THSD4: variants seen among roughly 807,000 people sequenced by gnomAD.
THSD4 encodes thrombospondin type-1 domain-containing protein 4.
A neutral mutation model predicts 119.0 loss-of-function variants in THSD4; 69 were observed. That is an observed-to-expected ratio of 0.58 (90% CI 0.48 to 0.71). The LOEUF is 0.71. THSD4 is among the 30% of genes least tolerant of loss of function. The pLI is 0.00. For missense variants in THSD4, 1,393 were observed against 1,391.1 expected, an observed-to-expected ratio of 1.00 and a Z score of -0.02; for synonymous variants, 524 against 540.4, an observed-to-expected ratio of 0.97 and a Z score of 0.42.
chr15:71,275,863 C>T (rs973318993), intron 6 of THSD4, among the ~76,000 whole-genome samples: 15 of 152,182 alleles, frequency 9.9e-5, no homozygotes, highest in Admixed American at 7.2e-4. Context: ...GTGTTTGCTT[C>T]CCCTTCTGCG....
At chr15:71,582,630 G>A (rs545977226) in intron 7 of THSD4, among the ~76,000 whole-genome samples, 1 of 152,024 alleles carries the variant, frequency 6.6e-6, no homozygotes, top group East Asian at 1.9e-4. Context: ...GCCATATATA[G>A]CCATATTATG....
intron 7 of THSD4, among the ~76,000 whole-genome samples, chr15:71,633,369 G>A (rs961268461): frequency 2.1e-5 from 3 of 145,428 alleles, no homozygotes; most frequent in Non-Finnish European, 3.0e-5. Context: ...TCGACCTACT[G>A]GGTTCAAGCC....
intron 6 of THSD4, among the ~76,000 whole-genome samples, chr15:71,263,110 C>T (rs573536392): frequency 6.6e-6 from 1 of 152,052 alleles, no homozygotes; most frequent in South Asian, 2.1e-4. Context: ...TGACCTTCTC[C>T]CTCCTCCCAG....
At chr15:71,606,274 C>T (rs1009292720) in intron 7 of THSD4, among the ~76,000 whole-genome samples, 13 of 152,306 alleles carry the variant, frequency 8.5e-5, no homozygotes, top group African/African-American at 3.1e-4. Context: ...TCCAAGAAAC[C>T]TCTTCTAAAC....
chr15:71,550,414 A>T (rs1447354268), intron 7 of THSD4, among the ~76,000 whole-genome samples: 1 of 152,204 alleles, frequency 6.6e-6, no homozygotes, highest in Non-Finnish European at 1.5e-5. Flanking sequence ...TAAATTCTGC[A>T]AAGTGTGGTC....
At chr15:71,209,235 A>G (rs138674535) in intron 3 of THSD4, among the ~76,000 whole-genome samples, 1 of 152,176 alleles carries the variant, frequency 6.6e-6, no homozygotes. Flanking sequence ...GCTGGGGGAC[A>G]TGTTAGATGC....
rs140846238 is a variant in THSD4 at position 71,777,793 on chromosome 15, C to T, written c.*419C>T. 54 of 193,804 alleles carry T rather than the reference C, an allele frequency of 2.8e-4. No individual in the cohort carries two copies. The highest frequency in any genetic ancestry group is 1.1e-3 in the African/African-American group (49 of 44,142). The allele number at this position is 193,804 out of a possible 1,614,324, so 12.0% of individuals were successfully genotyped here. ...CACCCTGGAGAGTCCAAGGAGGCAG[C>T]GCCCCCAACCCAGCGCCCCACTAAG... On this transcript the variant is annotated 3_prime_UTR_variant, in exon 18 of 18. Coordinates refer to ENST00000261862, the MANE Select transcript of THSD4 (RefSeq NM_024817.3).
chr15:71,306,592 C>T (rs2045033875), intron 6 of THSD4, among the ~76,000 whole-genome samples: 1 of 152,148 alleles, frequency 6.6e-6, no homozygotes, highest in Admixed American at 6.5e-5. Flanking sequence ...GGTGTCTAGT[C>T]CACTAGTTCA....
At chr15:71,541,419 G>T (rs1460475172) in intron 7 of THSD4, among the ~76,000 whole-genome samples, 1 of 152,130 alleles carries the variant, frequency 6.6e-6, no homozygotes, top group South Asian at 2.1e-4. Flanking sequence ...AATTTTCCTC[G>T]CATTTCTGTC....
intron 8 of THSD4, among the ~76,000 whole-genome samples, chr15:71,696,686 C>G (rs1304125440): frequency 1.3e-5 from 2 of 152,170 alleles, no homozygotes; most frequent in African/African-American, 4.8e-5. Context: ...AAATCACACC[C>G]TTGGCATACC....
chr15:71,476,317 C>T (rs749819077), intron 7 of THSD4, among the ~76,000 whole-genome samples: 2 of 152,132 alleles, frequency 1.3e-5, no homozygotes, highest in Non-Finnish European at 2.9e-5. Flanking sequence ...CTGCAGCCTC[C>T]GCCTCCCAGG....
At chr15:71,675,010 G>A (rs2051610960) in intron 8 of THSD4, among the ~76,000 whole-genome samples, 2 of 152,156 alleles carry the variant, frequency 1.3e-5, no homozygotes, top group South Asian at 4.1e-4. Flanking sequence ...TTCTTTGAAT[G>A]ACCGTTTTAT....
At chr15:71,393,015 G>A (rs769903182) in intron 6 of THSD4, among the ~76,000 whole-genome samples, 2 of 152,174 alleles carry the variant, frequency 1.3e-5, no homozygotes, top group South Asian at 2.1e-4. Context: ...GGGAACCTCC[G>A]TTTCTCATTT....
In THSD4 at chr15:71,745,154, A is replaced by G; in HGVS notation, c.1955A>G (p.Glu652Gly). The change falls in exon 12 of 18, where the codon GAG (glutamate) becomes GGG (glycine). Residue 652 changes from glutamate (E) to glycine (G), a missense_variant. Glu to Gly is a moderately conservative substitution (Grantham distance 98, BLOSUM62 -2). Coordinates refer to ENST00000261862, the MANE Select transcript of THSD4 (RefSeq NM_024817.3). ...FRCVHRSTHE[E>G]APESYCDSSM... ...TGTGTGCACAGAAGCACTCATGAAG[A>G]GGCTCCTGAGAGTTACTGTGACTCC... The G allele has an allele frequency of 6.2e-7, 1 of 1,612,644 alleles. No homozygotes were observed. The highest frequency in any genetic ancestry group is 8.5e-7 in the Non-Finnish European group (1 of 1,179,980).
chr15:71,137,303 A>G (rs1391692385), intron 1 of THSD4, among the ~76,000 whole-genome samples: 1 of 152,072 alleles, frequency 6.6e-6, no homozygotes, highest in Non-Finnish European at 1.5e-5. Flanking sequence ...ACAACCTACA[A>G]TGGCTCTTTC....
At chr15:71,400,133 A>G (rs1243225925) in intron 6 of THSD4, among the ~76,000 whole-genome samples, 2 of 152,190 alleles carry the variant, frequency 1.3e-5, no homozygotes, top group African/African-American at 4.8e-5. Flanking sequence ...TAAAGTTTCT[A>G]AAGGACATTG....
intron 6 of THSD4, among the ~76,000 whole-genome samples, chr15:71,367,253 T>G (rs1334196349): frequency 6.6e-6 from 1 of 152,080 alleles, no homozygotes; most frequent in Admixed American, 6.5e-5. Flanking sequence ...ATTTTATTGT[T>G]AAATTACAGA....
intron 3 of THSD4, among the ~76,000 whole-genome samples, chr15:71,189,669 CA>C (rs34897270): frequency 0.022 from 3,150 of 146,402 alleles, 48 homozygotes; most frequent in South Asian, 0.051. Context: ...GACTCCGTCT[CA>C]AAAAAAAAAA....
chr15:71,711,588 CGTT>C (rs1567113443), intron 8 of THSD4, among the ~76,000 whole-genome samples: 1 of 151,942 alleles, frequency 6.6e-6, no homozygotes, highest in Non-Finnish European at 1.5e-5. Context: ...AGTCATGACT[CGTT>C]GTAAATACAG....
Sources: gnomAD v4.1 joint callset for allele counts (sites outside exome capture counted in the v4.1 genomes callset) on GRCh38, gnomAD v4.1.1 for gene constraint, MANE v1.5 for transcripts, NCBI Gene and HGNC (gene_info 2026-07-23, HGNC 2026-07-21) for gene names.